The following DCC variants were observed in gnomAD, a reference collection of about 807,000 sequenced individuals.
DCC encodes netrin receptor DCC.
Under a neutral mutation model 172.5 loss-of-function variants are expected in DCC, and 58 were observed. The ratio of observed to expected loss-of-function variants is 0.34; its 90% CI spans 0.27 to 0.42. The LOEUF is 0.42. DCC is among the 10% of genes least tolerant of loss of function. DCC has a pLI of 1.00. For synonymous variants in DCC, 709 were observed against 644.5 expected (o/e 1.10, Z -1.52); for missense variants, 1,740 against 1,791.0 (o/e 0.97, Z 0.51).
At chr18:53,319,701 G>A (rs2057385732) in intron 13 of DCC, among the ~76,000 whole-genome samples, 1 of 152,220 alleles carries the variant, frequency 6.6e-6, no homozygotes, top group African/African-American at 2.4e-5. Flanking sequence ...AGGCCATTAA[G>A]AGGGGCAGGC....
intron 1 of DCC, among the ~76,000 whole-genome samples, chr18:52,366,108 G>C (rs771734691): frequency 6.6e-6 from 1 of 152,104 alleles, no homozygotes; most frequent in Non-Finnish European, 1.5e-5. Flanking sequence ...AAGGAGAAGA[G>C]AGAGATTTTA....
intron 27 of DCC, among the ~76,000 whole-genome samples, chr18:53,506,950 C>CTGAT (rs1330255447): frequency 6.6e-6 from 1 of 151,736 alleles, no homozygotes; most frequent in African/African-American, 2.4e-5. Flanking sequence ...AACTACAGAA[C>CTGAT]TGATTTTGCT....
intron 13 of DCC, among the ~76,000 whole-genome samples, chr18:53,320,291 C>G (rs1278803791): frequency 1.1e-4 from 17 of 152,046 alleles, no homozygotes; most frequent in Non-Finnish European, 2.9e-5. Flanking sequence ...CCAGGATGGT[C>G]TCGATCTCCT....
At position 53,215,588 on chromosome 18, in the gene DCC, C is replaced by A; in HGVS notation, c.1902C>A (p.Val634=). ...CTCAGAACGTCTCCCTGGAAGTGGT[C>A]AATTCAAGAGTAAGTTGGCTAAATG... is the stretch of plus-strand genomic sequence containing the variant. ...APPQNVSLEV[V]NSRSIKVSWL... Residue 634 remains valine, a synonymous_variant, in exon 12 of 29, where the codon GTC becomes GTA. Coordinates refer to ENST00000442544, the MANE Select transcript of DCC (RefSeq NM_005215.4). 6.2e-7 allele frequency: 1 copy of A among 1,613,354 alleles called. No individual in the cohort carries two copies. Among genetic ancestry groups the A allele is most frequent in the South Asian group, 1.1e-5 (1 of 91,048 alleles).
At position 53,411,908 on chromosome 18, in the gene DCC, T is replaced by C. The variant is rs554787710; in HGVS notation, c.3130+1262T>C. Among the ~76,000 whole-genome samples, 4 of 152,280 alleles carry C rather than the reference T, an allele frequency of 2.6e-5. No homozygotes were observed. In the East Asian group the frequency reaches 7.7e-4, roughly 29 times the overall value. On this transcript the variant is annotated intron_variant, in intron 20 of 28. Transcript: ENST00000442544. ...TGTGGCAGCATGAAATGTAACTAGA[T>C]AGTGTTTTGCAAATGCTTCATTTTT...
chr18:52,478,722 A>G (rs950627715), intron 1 of DCC, among the ~76,000 whole-genome samples: 14 of 152,138 alleles, frequency 9.2e-5, no homozygotes, highest in Middle Eastern at 3.2e-3. Context: ...TCATCAGGGG[A>G]GATGTCACAG....
intron 1 of DCC, among the ~76,000 whole-genome samples, chr18:52,373,277 C>T (rs1285843280): frequency 6.6e-6 from 1 of 152,106 alleles, no homozygotes; most frequent in Non-Finnish European, 1.5e-5. Flanking sequence ...AATCTACCTT[C>T]TAAAGTGACC....
At chr18:52,844,962 GAGA>G (rs959835411) in intron 2 of DCC, among the ~76,000 whole-genome samples, 3 of 152,198 alleles carry the variant, frequency 2.0e-5, no homozygotes, top group African/African-American at 7.2e-5. Flanking sequence ...GTAAAGGAAG[GAGA>G]AGAATTTGCC....
intron 4 of DCC, among the ~76,000 whole-genome samples, chr18:52,924,475 A>G (rs933409869): frequency 1.3e-5 from 2 of 152,104 alleles, no homozygotes; most frequent in African/African-American, 4.8e-5. Flanking sequence ...ATTTAAGGGA[A>G]GACAGAATAA....
chr18:52,919,004 A>G (rs368931901), intron 3 of DCC, among the ~76,000 whole-genome samples: 28 of 152,288 alleles, frequency 1.8e-4, no homozygotes, highest in African/African-American at 6.3e-4. Context: ...TGCTGGTTAC[A>G]CTTGGCCTCA....
chr18:52,979,995 C>T (rs993560803), intron 5 of DCC, among the ~76,000 whole-genome samples: 2 of 151,566 alleles, frequency 1.3e-5, no homozygotes, highest in African/African-American at 4.9e-5. Context: ...GTTCTACAGA[C>T]AGCACTTATC....
chr18:52,435,398 G>A (rs1008513573), intron 1 of DCC, among the ~76,000 whole-genome samples: 1 of 152,046 alleles, frequency 6.6e-6, no homozygotes, highest in Non-Finnish European at 1.5e-5. Context: ...TCCATGGGTG[G>A]GGTATGTAGT....
intron 2 of DCC, among the ~76,000 whole-genome samples, chr18:52,793,100 G>A (rs28834077): frequency 0.022 from 3,364 of 152,286 alleles, 120 homozygotes; most frequent in African/African-American, 0.076. Flanking sequence ...GGTTGGAGAA[G>A]GTGGTGTCTG....
At chr18:52,352,093 A>G (rs1333998488) in intron 1 of DCC, among the ~76,000 whole-genome samples, 3 of 152,236 alleles carry the variant, frequency 2.0e-5, no homozygotes, top group African/African-American at 7.2e-5. Flanking sequence ...AATGGACACA[A>G]AATCAACCTC....
At chr18:52,341,575 CCAG>C (rs1983636804) in intron 1 of DCC, among the ~76,000 whole-genome samples, 1 of 152,124 alleles carries the variant, frequency 6.6e-6, no homozygotes, top group African/African-American at 2.4e-5. Flanking sequence ...GATTGATATT[CCAG>C]AGAACCGGCG....
intron 1 of DCC, among the ~76,000 whole-genome samples, chr18:52,481,945 T>C (rs372547836): frequency 2.0e-5 from 3 of 152,146 alleles, no homozygotes; most frequent in South Asian, 4.1e-4. Flanking sequence ...ATAAAATGTA[T>C]TGTTACTTTC....
At position 53,435,119 on chromosome 18, in the gene DCC, T is replaced by A. The variant is rs201474046; in HGVS notation, c.3164-25T>A. On this transcript the variant is annotated intron_variant, in intron 21 of 28. Transcript: ENST00000442544. ...CATTTTGTTTCATTTGTACTGACATTGTGACATGCTCTCCCAATGAACAGG... is the reference window on the plus strand; with the variant it reads ...CATTTTGTTTCATTTGTACTGACATAGTGACATGCTCTCCCAATGAACAGG... The A allele has an allele frequency of 1.3e-5, 20 of 1,563,042 alleles. No individual in the cohort carries two copies. In the African/African-American group the frequency reaches 2.4e-4, roughly 19 times the overall value.
At chr18:52,834,465 T>G (rs565162080) in intron 2 of DCC, among the ~76,000 whole-genome samples, 2 of 152,264 alleles carry the variant, frequency 1.3e-5, no homozygotes, top group African/African-American at 4.8e-5. Context: ...GTGAGTCTGA[T>G]ATTCACTGAA....
At chr18:53,066,351 G>GTATA (rs2042566920) in intron 7 of DCC, among the ~76,000 whole-genome samples, 185 bp downstream of exon 7, 2 of 90,172 alleles carry the variant, frequency 2.2e-5, no homozygotes, top group East Asian at 3.6e-4. Flanking sequence ...GTGTACATGT[G>GTATA]TGTATATATA....
Sources: allele counts gnomAD v4.1 joint callset (sites outside exome capture counted in the v4.1 genomes callset), GRCh38; gene constraint gnomAD v4.1.1; transcripts MANE v1.5; gene names NCBI Gene and HGNC (gene_info 2026-07-23, HGNC 2026-07-21).